Variants in PTPRG observed in about 807,000 individuals in gnomAD.
The protein encoded by PTPRG is receptor-type tyrosine-protein phosphatase gamma.
Under a neutral mutation model 165.3 loss-of-function variants are expected in PTPRG, and 102 were observed. The ratio of observed to expected loss-of-function variants is 0.62; its 90% confidence interval spans 0.53 to 0.73. The LOEUF (loss-of-function observed/expected upper bound fraction) is 0.73. PTPRG is among the 30% of genes least tolerant of loss of function. PTPRG has a pLI of 0.00. For missense variants in PTPRG, 1,866 were observed against 1,861.4 expected, an observed-to-expected ratio of 1.00 and a Z score of -0.05; for synonymous variants, 675 against 669.5, an observed-to-expected ratio of 1.01 and a Z score of -0.13.
intron 2 of PTPRG, among the ~76,000 whole-genome samples, chr3:61,785,008 T>C (rs1431745848): frequency 1.3e-5 from 2 of 152,198 alleles, no homozygotes; most frequent in Non-Finnish European, 2.9e-5. Context: ...TCACTGTCTG[T>C]CATCATTACG....
chr3:62,134,830 G>A (rs1703645474), intron 6 of PTPRG, among the ~76,000 whole-genome samples: 1 of 152,148 alleles, frequency 6.6e-6, no homozygotes, highest in Non-Finnish European at 1.5e-5. Context: ...AAATAAATAA[G>A]TGAAAATTTT....
intron 4 of PTPRG, among the ~76,000 whole-genome samples, chr3:62,037,490 C>T (rs1255901532): frequency 6.6e-6 from 1 of 152,200 alleles, no homozygotes; most frequent in African/African-American, 2.4e-5. Context: ...ATTGGAATAT[C>T]TGCAGGCATT....
At chr3:61,882,087 C>G (rs746024419) in intron 2 of PTPRG, among the ~76,000 whole-genome samples, 2 of 152,154 alleles carry the variant, frequency 1.3e-5, no homozygotes, top group Non-Finnish European at 2.9e-5. Flanking sequence ...CAGTATACCC[C>G]CTTTTAAAGA....
intron 8 of PTPRG, among the ~76,000 whole-genome samples, chr3:62,180,580 A>C (rs1705606802): frequency 6.6e-6 from 1 of 152,212 alleles, no homozygotes; most frequent in Non-Finnish European, 1.5e-5. Flanking sequence ...TCACAGCATC[A>C]TAAAGTTGAA....
chr3:61,909,481 C>T (rs1250026654), intron 2 of PTPRG, among the ~76,000 whole-genome samples: 4 of 152,056 alleles, frequency 2.6e-5, no homozygotes, highest in South Asian at 2.1e-4. Flanking sequence ...CCCCAGTTAG[C>T]CAGGACCACA....
At chr3:61,696,520 C>G (rs764900860) in intron 1 of PTPRG, among the ~76,000 whole-genome samples, 6 of 152,062 alleles carry the variant, frequency 3.9e-5, no homozygotes, top group Non-Finnish European at 7.4e-5. Flanking sequence ...AACAAACAAA[C>G]AAATTCTAGC....
intron 12 of PTPRG, 75 bp from the exon 13 acceptor site, chr3:62,218,776 A>C (rs1700575820): frequency 6.6e-7 from 1 of 1,517,074 alleles, no homozygotes; most frequent in Non-Finnish European, 8.9e-7. Flanking sequence ...CAAAACTGGA[A>C]CAGAACTCTG....
intron 4 of PTPRG, among the ~76,000 whole-genome samples, chr3:62,013,866 ATTC>A (rs921680558): frequency 6.6e-6 from 1 of 151,244 alleles, no homozygotes; most frequent in African/African-American, 2.4e-5. Context: ...TTTGAACACT[ATTC>A]TTCTCAGAAT....
chr3:62,083,431 A>G (rs1390039678), intron 5 of PTPRG, among the ~76,000 whole-genome samples: 17 of 152,136 alleles, frequency 1.1e-4, no homozygotes, highest in Admixed American at 1.1e-3. Context: ...AAAAACCGCA[A>G]TTACTTTTGC....
At chr3:62,032,710 T>G (rs1317887705) in intron 4 of PTPRG, among the ~76,000 whole-genome samples, 1 of 152,228 alleles carries the variant, frequency 6.6e-6, no homozygotes, top group Non-Finnish European at 1.5e-5. Flanking sequence ...CTAACGTGAT[T>G]TAAATGACAG....
At chr3:61,960,506 T>C (rs2040126415) in intron 2 of PTPRG, among the ~76,000 whole-genome samples, 1 of 152,204 alleles carries the variant, frequency 6.6e-6, no homozygotes, top group Non-Finnish European at 1.5e-5. Flanking sequence ...ACCTAAGTTA[T>C]GAAGTCTACT....
Position 61,915,528 on chromosome 3 carries a change from A to G in PTPRG, c.191-74097A>G, listed in dbSNP as rs186437525. Among the ~76,000 whole-genome samples, 20 of 152,292 alleles carry G rather than the reference A, an allele frequency of 1.3e-4. No individual in the cohort carries two copies. The East Asian group carries it at 2.7e-3, about 21-fold the overall frequency. ...GTTGTTCTGTAATTAGAGCCGTGAA[A>G]TATATCTTATTTGTCATCATCTTAT... is the stretch of plus-strand genomic sequence containing the variant. On this transcript the variant is annotated intron_variant, in intron 2 of 29. Coordinates refer to ENST00000474889, the MANE Select transcript of PTPRG (RefSeq NM_002841.4).
At chr3:62,290,121 G>GTAAT (rs1385204184) in intron 28 of PTPRG, among the ~76,000 whole-genome samples, 6 of 152,006 alleles carry the variant, frequency 3.9e-5, no homozygotes, top group Non-Finnish European at 8.8e-5. Context: ...ATTAATAGGG[G>GTAAT]TAATAAACTC....
At chr3:62,081,986 T>A (rs1701598949) in intron 5 of PTPRG, among the ~76,000 whole-genome samples, 1 of 152,204 alleles carries the variant, frequency 6.6e-6, no homozygotes. Context: ...AGAACCTCAC[T>A]GTCATGGTCC....
chr3:62,251,652 T>G (rs1424613136), intron 15 of PTPRG, among the ~76,000 whole-genome samples: 1 of 152,042 alleles, frequency 6.6e-6, no homozygotes, highest in Admixed American at 6.6e-5. Context: ...AAAAAAAAAT[T>G]AGCACAAAAT....
chr3:61,613,330 C>G (rs185463782), intron 1 of PTPRG, among the ~76,000 whole-genome samples: 2 of 152,242 alleles, frequency 1.3e-5, no homozygotes, highest in African/African-American at 4.8e-5. Context: ...GCCAGCGTTC[C>G]TTTAAGCAAA....
At chr3:61,658,727 C>T (rs1390044490) in intron 1 of PTPRG, among the ~76,000 whole-genome samples, 1 of 152,134 alleles carries the variant, frequency 6.6e-6, no homozygotes, top group Non-Finnish European at 1.5e-5. Flanking sequence ...GCACCCAGCA[C>T]CTACTAGGTG....
intron 5 of PTPRG, chr3:62,124,528 G>T: frequency 6.5e-7 from 1 of 1,543,968 alleles, no homozygotes. Flanking sequence ...CATCCACCGG[G>T]GTTTTGCTCT....
Position 62,084,269 on chromosome 3 carries a change from A to G in PTPRG, c.615+6011A>G, listed in dbSNP as rs953043810. Among the ~76,000 whole-genome samples the G allele has an allele frequency of 3.3e-5, 5 of 152,276 alleles. No homozygotes were observed. In the South Asian group the frequency reaches 6.2e-4, roughly 19 times the overall value. Reference sequence around the variant, plus strand: ...CTGATTTATTCATCATTCTTAAACTATTTCTTTTTGACAAACTGTCGTCAC... The same window carrying G: ...CTGATTTATTCATCATTCTTAAACTGTTTCTTTTTGACAAACTGTCGTCAC... On this transcript the variant is annotated intron_variant, in intron 5 of 29. Transcript: ENST00000474889.
Sources: gnomAD v4.1 joint callset for allele counts (sites outside exome capture counted in the v4.1 genomes callset) on GRCh38, gnomAD v4.1.1 for gene constraint, MANE v1.5 for transcripts, NCBI Gene and HGNC (gene_info 2026-07-23, HGNC 2026-07-21) for gene names.